The following KLF13 variants were observed in gnomAD, a reference collection of about 807,000 sequenced individuals.
KLF13 encodes Krueppel-like factor 13.
KLF13 carries 8 observed loss-of-function variants against 16.7 expected under a neutral mutation model. The ratio of observed to expected loss-of-function variants is 0.48; its 90% confidence interval spans 0.28 to 0.87. The LOEUF (loss-of-function observed/expected upper bound fraction) is 0.87. Ranked by LOEUF, KLF13 falls within the 40% of genes least tolerant of loss-of-function variation. The pLI is 0.10. For synonymous variants in KLF13, 245 were observed against 208.4 expected (o/e 1.18, Z -1.51); for missense variants, 447 against 452.2 (o/e 0.99, Z 0.10).
intron 1 of KLF13, among the ~76,000 whole-genome samples, chr15:31,360,289 G>A (rs1339603051): frequency 6.6e-6 from 1 of 152,186 alleles, no homozygotes; most frequent in East Asian, 1.9e-4. Flanking sequence ...GCCTGTGCCG[G>A]GAAGAGGGTG....
At chr15:31,386,669 ACT>A (rs2039799932) in intron 1 of KLF13, among the ~76,000 whole-genome samples, 2 of 152,222 alleles carry the variant, frequency 1.3e-5, no homozygotes, top group South Asian at 4.1e-4. Flanking sequence ...AATGAAACTG[ACT>A]CTATTTGAGG....
At chr15:31,395,176 C>T (rs753548520) in intron 2 of KLF13, among the ~76,000 whole-genome samples, 8 of 152,166 alleles carry the variant, frequency 5.3e-5, no homozygotes, top group Non-Finnish European at 8.8e-5. Context: ...GATGGCGTTT[C>T]ACCACGTTGG....
intron 1 of KLF13, chr15:31,420,698 T>TC: frequency 7.6e-6 from 2 of 263,542 alleles, no homozygotes; most frequent in Non-Finnish European, 1.5e-5. Flanking sequence ...TTTCTTTCTT[T>TC]TTTTTTTTTT....
intron 1 of KLF13, among the ~76,000 whole-genome samples, chr15:31,384,967 A>G (rs971784381): frequency 6.6e-6 from 1 of 152,230 alleles, no homozygotes; most frequent in African/African-American, 2.4e-5. Flanking sequence ...TAAGGAGGTA[A>G]GGCCTTGGGG....
intron 1 of KLF13, among the ~76,000 whole-genome samples, chr15:31,368,291 C>G (rs925272041): frequency 3.9e-5 from 6 of 152,186 alleles, no homozygotes; most frequent in Admixed American, 1.3e-4. Context: ...ATCTGTCAGA[C>G]CTGACATGGT....
At position 31,372,601 on chromosome 15, in the gene KLF13, A is replaced by T; in HGVS notation, c.*302A>T. 1 of 410,478 alleles carries T rather than the reference A, an allele frequency of 2.4e-6. No homozygotes were observed. Among genetic ancestry groups the T allele is most frequent in the Middle Eastern group, 6.5e-4 (1 of 1,546 alleles). The allele number at this position is 410,478 out of a possible 1,614,324, so 25.4% of individuals were successfully genotyped here. The stretch of plus-strand genomic sequence containing the variant: ...TGAGGACACCCCTTCCTGCCGCCTT[A>T]CTCTGTACATAGATTTGCACTCTGG... On this transcript the variant is annotated 3_prime_UTR_variant, in exon 2 of 2. Transcript: ENST00000307145.
chr15:31,385,725 C>T (rs1169539160), intron 1 of KLF13, among the ~76,000 whole-genome samples: 2 of 152,190 alleles, frequency 1.3e-5, no homozygotes, highest in Non-Finnish European at 2.9e-5. Flanking sequence ...TTCTCCCTCT[C>T]CTCAGGCCTC....
chr15:31,367,992 C>T (rs1449522202), intron 1 of KLF13, among the ~76,000 whole-genome samples: 1 of 151,988 alleles, frequency 6.6e-6, no homozygotes, highest in Non-Finnish European at 1.5e-5. Context: ...CTCCATACCT[C>T]CCCTTCCTTC....
chr15:31,328,242 G>A (rs1008131219), intron 1 of KLF13, among the ~76,000 whole-genome samples: 1 of 151,138 alleles, frequency 6.6e-6, no homozygotes, highest in African/African-American at 2.4e-5. Flanking sequence ...CCGGGCGCGC[G>A]CTCAGGAGGG....
At chr15:31,426,823 C>G (rs140081177) in intron 1 of KLF13, among the ~76,000 whole-genome samples, 1 of 152,060 alleles carries the variant, frequency 6.6e-6, no homozygotes, top group African/African-American at 2.4e-5. Flanking sequence ...GAAGATCCAC[C>G]CTCACTGTGG....
downstream of KLF13, among the ~76,000 whole-genome samples, chr15:31,409,543 A>C (rs1219565894): frequency 6.6e-6 from 1 of 152,050 alleles, no homozygotes; most frequent in East Asian, 1.9e-4. Context: ...AGGGAGGAAG[A>C]AGGAAAGAAG....
chr15:31,412,847 C>A (rs1005772060), intron 1 of KLF13, among the ~76,000 whole-genome samples: 4 of 152,152 alleles, frequency 2.6e-5, no homozygotes, highest in Non-Finnish European at 5.9e-5. Context: ...TGAAAGGCAT[C>A]TGAAAGGAGA....
At chr15:31,407,957 C>T (rs921632024), downstream of KLF13, among the ~76,000 whole-genome samples, 2 of 152,118 alleles carry the variant, frequency 1.3e-5, no homozygotes, top group Non-Finnish European at 2.9e-5. Flanking sequence ...ACACTAGAGA[C>T]ATTCCTACTA....
rs2039640579 is a variant in KLF13, at chr15:31,376,077, C to G, written c.*3778C>G. 6.6e-6 allele frequency: 1 copy of G among 152,668 alleles called. No homozygotes were observed. The highest frequency in any genetic ancestry group is 2.4e-5 in the African/African-American group (1 of 41,446). The allele number at this position is 152,668 out of a possible 1,614,324, so 9.5% of individuals were successfully genotyped here. On this transcript the variant is annotated 3_prime_UTR_variant, in exon 2 of 2. Transcript: ENST00000307145. ...GCAGAGAGGGCTGGCCACTCTGCCT[C>G]AGGACTTGACCTCAAGTGTTCTGTC...
chr15:31,327,093 C>G lies in KLF13; in HGVS notation c.-120C>G. ...GGCTGCGCGCCCAGCCCAGCCCAGCCCAGCCCGAGGAGAGGGCGCGCCGCG... is the reference window on the plus strand; with the variant it reads ...GGCTGCGCGCCCAGCCCAGCCCAGCGCAGCCCGAGGAGAGGGCGCGCCGCG... On this transcript the variant is annotated 5_prime_UTR_variant, in exon 1 of 2. Transcript: ENST00000307145. The G allele has an allele frequency of 1.1e-6, 1 of 920,096 alleles. No individual in the cohort carries two copies. Among genetic ancestry groups the G allele is most frequent in the Non-Finnish European group, 1.4e-6 (1 of 733,584 alleles). 57.0% of individuals were successfully genotyped at this position (920,096 alleles called of 1,614,324 possible). A position where few individuals can be genotyped will look rare whatever the true frequency, so the allele number is the denominator to read the frequency against.
downstream of KLF13, among the ~76,000 whole-genome samples, chr15:31,382,697 C>G (rs946157847): frequency 2.8e-4 from 43 of 152,320 alleles, no homozygotes; most frequent in African/African-American, 9.9e-4. Context: ...GGGGCCCAGT[C>G]CCAGGCACTG....
At position 31,327,494 on chromosome 15, in the gene KLF13, C is replaced by A; in HGVS notation, c.282C>A (p.Thr94=). Residue 94 remains threonine (T), a synonymous_variant, in exon 1 of 2, where the codon ACC becomes ACA. Transcript: ENST00000307145. The stretch of plus-strand genomic sequence containing the variant: ...GCGCCGCGGCCCGGAAGGCGAGGAC[C>A]CCCTGCCGCCTGCCGCCGCCCGCCC... ...REGAAARKAR[T]PCRLPPPAPE... 1 of 1,168,284 alleles carries A rather than the reference C, an allele frequency of 8.6e-7. No homozygotes were observed. Among genetic ancestry groups the A allele is most frequent in the East Asian group, 3.9e-5 (1 of 25,952 alleles). The allele number at this position is 1,168,284 out of a possible 1,614,324, so 72.4% of individuals were successfully genotyped here. A position where few individuals can be genotyped will look rare whatever the true frequency, so the allele number is the denominator to read the frequency against.
At chr15:31,358,794 A>G (rs2039338916) in intron 1 of KLF13, among the ~76,000 whole-genome samples, 1 of 152,206 alleles carries the variant, frequency 6.6e-6, no homozygotes, top group African/African-American at 2.4e-5. Context: ...CCCCTGGGCT[A>G]TCACCAGCCA....
chr15:31,380,226 A>T (rs909250797), downstream of KLF13, among the ~76,000 whole-genome samples: 2 of 152,194 alleles, frequency 1.3e-5, no homozygotes, highest in African/African-American at 4.8e-5. Flanking sequence ...CGGGAGGCAG[A>T]GGTTGCAGTG....
Sources: gnomAD v4.1 joint callset for allele counts (sites outside exome capture counted in the v4.1 genomes callset) on GRCh38, gnomAD v4.1.1 for gene constraint, MANE v1.5 for transcripts, NCBI Gene and HGNC (gene_info 2026-07-23, HGNC 2026-07-21) for gene names.